Variants in GUCY1A2 observed in about 807,000 individuals in gnomAD.
The protein encoded by GUCY1A2 is guanylate cyclase soluble subunit alpha-2.
A neutral mutation model predicts 63.5 loss-of-function variants in GUCY1A2; 27 were observed. The ratio of observed to expected loss-of-function variants is 0.43; its 90% CI spans 0.31 to 0.59. The LOEUF (loss-of-function observed/expected upper bound fraction) is 0.59. GUCY1A2 is among the 20% of genes least tolerant of loss of function. The pLI, the probability that GUCY1A2 is intolerant of heterozygous loss-of-function variation, is 0.11. For synonymous variants in GUCY1A2, 364 were observed against 343.5 expected (o/e 1.06, Z -0.66); for missense variants, 768 against 913.3 (o/e 0.84, Z 2.05).
At chr11:106,726,804 GGGTGAGATAAA>G (rs1323868587) in intron 6 of GUCY1A2, among the ~76,000 whole-genome samples, 3 of 152,166 alleles carry the variant, frequency 2.0e-5, no homozygotes, top group African/African-American at 7.2e-5. Context: ...AGTTCCCTTT[GGGTGAGATAAA>G]GGTGGTGGCA....
intron 4 of GUCY1A2, among the ~76,000 whole-genome samples, chr11:106,880,246 A>G (rs183526398): frequency 8.5e-5 from 13 of 152,162 alleles, no homozygotes; most frequent in East Asian, 7.7e-4. Flanking sequence ...TTCCTTATCT[A>G]TAAGGAACCT....
In GUCY1A2 at chr11:106,764,977, G is replaced by T. The variant is rs1268270169; in HGVS notation, c.1836+11462C>A. Among the ~76,000 whole-genome samples the T allele has an allele frequency of 6.4e-5, 6 of 94,188 alleles. 1 individual carries two copies. Among genetic ancestry groups the T allele is most frequent in the Non-Finnish European group, 9.1e-5 (4 of 43,944 alleles). The allele number at this position is 94,188 out of a possible 152,430, so 61.8% of individuals were successfully genotyped here. On this transcript the variant is annotated intron_variant, in intron 6 of 7. Transcript: ENST00000526355. Reference sequence around the variant, plus strand: ...TTACTTTGCAGATTTTTTTGGGGGGGGGTTGGGGGGCAGGAATAAATAGTG... The same window carrying T: ...TTACTTTGCAGATTTTTTTGGGGGGTGGTTGGGGGGCAGGAATAAATAGTG...
Position 106,961,223 on chromosome 11 carries a change from A to G in GUCY1A2, c.487+17396T>C, listed in dbSNP as rs143739264. Reference sequence around the variant, plus strand: ...AGCCCCCACTGCAGAGTCATAAACAAACAAAGGCACTCCACTTCTTAGAGA... The same window carrying G: ...AGCCCCCACTGCAGAGTCATAAACAGACAAAGGCACTCCACTTCTTAGAGA... On this transcript the variant is annotated intron_variant, in intron 3 of 7. Transcript: ENST00000526355. 2.1e-3 allele frequency among the ~76,000 whole-genome samples: 313 copies of G among 152,092 alleles called. 3 individuals are homozygous for G. Among genetic ancestry groups the G allele is most frequent in the Admixed American group, 0.017 (255 of 15,276 alleles).
chr11:106,716,944 A>ACTGGGG (rs1863227453), intron 6 of GUCY1A2, among the ~76,000 whole-genome samples: 1 of 152,000 alleles, frequency 6.6e-6, no homozygotes, highest in Admixed American at 6.6e-5. Flanking sequence ...AGTGAGGGGG[A>ACTGGGG]CTGGGGCTGC....
chr11:106,807,232 C>T (rs1043778009), intron 5 of GUCY1A2, among the ~76,000 whole-genome samples: 1 of 152,030 alleles, frequency 6.6e-6, no homozygotes, highest in African/African-American at 2.4e-5. Context: ...AAAATTCTAC[C>T]ACCTCTGGGA....
chr11:106,681,786 T>C lies in GUCY1A2; in HGVS notation c.*5763A>G, dbSNP rs914512414. The C allele has an allele frequency of 4.6e-6, 1 of 219,132 alleles. No homozygotes were observed. The highest frequency in any genetic ancestry group is 2.2e-5 in the African/African-American group (1 of 44,564). The allele number at this position is 219,132 out of a possible 1,614,324, so 13.6% of individuals were successfully genotyped here. ...AAAGAAGTGCAAGCTTCATATGGCA[T>C]CATCACCATGGCTTAAATTATTGCT... On this transcript the variant is annotated 3_prime_UTR_variant, in exon 8 of 8. Transcript: ENST00000526355.
intron 4 of GUCY1A2, among the ~76,000 whole-genome samples, chr11:106,922,816 T>C (rs370720326): frequency 1.3e-5 from 2 of 151,326 alleles, no homozygotes; most frequent in South Asian, 2.1e-4. Context: ...TCATTTCACA[T>C]GTATACTCCC....
At chr11:106,708,386 G>A in intron 7 of GUCY1A2, 126 bp downstream of exon 7, 1 of 683,524 alleles carries the variant, frequency 1.5e-6, no homozygotes, top group Non-Finnish European at 2.4e-6. Context: ...TTTGGGTTTG[G>A]GCAGTTCTAC....
rs6588929 is a variant in GUCY1A2 at position 106,824,311 on chromosome 11, T to C, written c.1207-13833A>G. On this transcript the variant is annotated intron_variant, in intron 4 of 7. Transcript: ENST00000526355. ...AAAGTCAGTTTTCTGATTAGATTTC[T>C]GGGTATGGAAGAGAGAAAATATAGT... The C allele has an allele frequency of 2.6e-3, 1,075 of 414,890 alleles. 15 individuals are homozygous for C. The highest frequency in any genetic ancestry group is 0.019 in the African/African-American group (941 of 48,442). 25.7% of individuals were successfully genotyped at this position (414,890 alleles called of 1,614,324 possible).
intron 4 of GUCY1A2, among the ~76,000 whole-genome samples, chr11:106,867,060 AAATT>A (rs1050065701): frequency 3.3e-5 from 5 of 152,022 alleles, no homozygotes; most frequent in East Asian, 1.9e-4. Context: ...AGTTTCCCCC[AAATT>A]AATTAATTAA....
chr11:106,753,214 G>A (rs1001903931), intron 6 of GUCY1A2, among the ~76,000 whole-genome samples: 2 of 152,120 alleles, frequency 1.3e-5, no homozygotes, highest in African/African-American at 4.8e-5. Context: ...TGATGGGGTT[G>A]TTTGTATTTT....
chr11:106,965,683 C>T (rs1861118445), intron 3 of GUCY1A2, among the ~76,000 whole-genome samples: 1 of 152,162 alleles, frequency 6.6e-6, no homozygotes, highest in Non-Finnish European at 1.5e-5. Context: ...GAGACGACAT[C>T]AGCCTTACTC....
intron 2 of GUCY1A2, among the ~76,000 whole-genome samples, chr11:106,985,638 C>T (rs1404112191): frequency 2.0e-5 from 3 of 152,148 alleles, no homozygotes; most frequent in Non-Finnish European, 4.4e-5. Flanking sequence ...ATATGTAGCA[C>T]GTGACTCTAA....
At chr11:106,941,330 C>T (rs1860750061) in intron 3 of GUCY1A2, among the ~76,000 whole-genome samples, 2 of 152,142 alleles carry the variant, frequency 1.3e-5, no homozygotes, top group Admixed American at 6.5e-5. Flanking sequence ...AGCAGGATCA[C>T]ATGTGATCAC....
At chr11:106,830,484 TACCCTCA>T (rs1859035181) in intron 4 of GUCY1A2, among the ~76,000 whole-genome samples, 1 of 152,190 alleles carries the variant, frequency 6.6e-6, no homozygotes, top group Non-Finnish European at 1.5e-5. Flanking sequence ...AAGGCAGACC[TACCCTCA>T]ATCCGGGTGG....
intron 3 of GUCY1A2, among the ~76,000 whole-genome samples, chr11:106,975,443 G>T (rs1160260122): frequency 6.6e-6 from 1 of 152,122 alleles, no homozygotes; most frequent in Non-Finnish European, 1.5e-5. Context: ...ACTAAAATTA[G>T]ATCATTTTGG....
chr11:106,993,429 TGAA>T (rs1214457648), intron 1 of GUCY1A2, among the ~76,000 whole-genome samples: 1 of 152,200 alleles, frequency 6.6e-6, no homozygotes, highest in South Asian at 2.1e-4. Flanking sequence ...AGTTTACTTC[TGAA>T]GGAGAGGTAA....
chr11:106,703,643 G>A (rs1484545910), intron 7 of GUCY1A2, among the ~76,000 whole-genome samples: 3 of 152,074 alleles, frequency 2.0e-5, no homozygotes, highest in African/African-American at 2.4e-5. Flanking sequence ...TGACGCCCAC[G>A]CTGATTTTAG....
chr11:106,926,751 T>C (rs185730508), intron 4 of GUCY1A2, among the ~76,000 whole-genome samples: 122 of 151,984 alleles, frequency 8.0e-4, no homozygotes, highest in African/African-American at 2.8e-3. Flanking sequence ...TGTAAAACAA[T>C]GGTTCACTCG....
Sources: gnomAD v4.1 joint callset for allele counts (sites outside exome capture counted in the v4.1 genomes callset) on GRCh38, gnomAD v4.1.1 for gene constraint, MANE v1.5 for transcripts, NCBI Gene and HGNC (gene_info 2026-07-23, HGNC 2026-07-21) for gene names.